The following PDZRN3 variants were observed in gnomAD, a reference collection of about 807,000 sequenced individuals.
The protein encoded by PDZRN3 is PDZ domain containing ring finger 3.
Under a neutral mutation model 85.7 loss-of-function variants are expected in PDZRN3, and 38 were observed. The observed-to-expected ratio is 0.44, with a 90% CI of 0.34 to 0.58. The LOEUF (loss-of-function observed/expected upper bound fraction) is 0.58. PDZRN3 is among the 20% of genes least tolerant of loss of function. The pLI is 0.01. For missense variants in PDZRN3, 1,629 were observed against 1,506.4 expected (o/e 1.08, Z -1.35); for synonymous variants, 759 against 638.0 (o/e 1.19, Z -2.86).
In PDZRN3 at chr3:73,551,197, T is replaced by C. The variant is rs78166477; in HGVS notation, c.918+51157A>G. 6.7e-3 allele frequency among the ~76,000 whole-genome samples: 1,021 copies of C among 152,262 alleles called. 4 individuals are homozygous for C. Among genetic ancestry groups the C allele is most frequent in the South Asian group, 0.016 (77 of 4,826 alleles). On this transcript the variant is annotated intron_variant, in intron 3 of 9. Transcript: ENST00000263666. ...CTCCTGTTGTGGCTTATTAAGAAAA[T>C]GTATTTTTTTGAGAGGTGGATACTG...
At chr3:73,457,250 T>A (rs1193002546) in intron 3 of PDZRN3, among the ~76,000 whole-genome samples, 4 of 151,884 alleles carry the variant, frequency 2.6e-5, no homozygotes, top group Non-Finnish European at 4.4e-5. Flanking sequence ...TTTTTGTATT[T>A]TTAGTAGAGA....
chr3:73,483,459 A>C (rs1167031088), intron 3 of PDZRN3, among the ~76,000 whole-genome samples: 1 of 152,232 alleles, frequency 6.6e-6, no homozygotes, highest in Non-Finnish European at 1.5e-5. Context: ...TGTTTACAGA[A>C]AAGAAGAAAT....
At chr3:73,617,520 C>T (rs1702782441) in intron 1 of PDZRN3, among the ~76,000 whole-genome samples, 1 of 152,124 alleles carries the variant, frequency 6.6e-6, no homozygotes, top group South Asian at 2.1e-4. Context: ...TTTTACCTTT[C>T]TATCCAATGG....
intron 1 of PDZRN3, among the ~76,000 whole-genome samples, chr3:73,612,381 A>G (rs1235945151): frequency 6.6e-6 from 1 of 152,232 alleles, no homozygotes; most frequent in Non-Finnish European, 1.5e-5. Flanking sequence ...TTCTGCCTCC[A>G]AAGACTGAGC....
intron 3 of PDZRN3, among the ~76,000 whole-genome samples, chr3:73,414,889 G>C (rs1702044930): frequency 6.6e-6 from 1 of 152,170 alleles, no homozygotes. Context: ...ACTCTTCAAA[G>C]ACTAAAGCCA....
At chr3:73,592,178 T>C (rs1310724722) in intron 3 of PDZRN3, among the ~76,000 whole-genome samples, 1 of 152,144 alleles carries the variant, frequency 6.6e-6, no homozygotes, top group African/African-American at 2.4e-5. Flanking sequence ...GGCTAACGGA[T>C]CCTCAAATCA....
At position 73,423,513 on chromosome 3, in the gene PDZRN3, A is replaced by G. The variant is rs1354848750; in HGVS notation, c.919-19118T>C. Among the ~76,000 whole-genome samples the G allele has an allele frequency of 5.9e-5, 9 of 152,368 alleles. No individual in the cohort carries two copies. The East Asian group carries it at 1.7e-3, about 29-fold the overall frequency. ...TATTTGGTTCATGTGTTGTTTGTTCACAAAAAAAGATAAACTTTTTGCTTA... is the reference window on the plus strand; with the variant it reads ...TATTTGGTTCATGTGTTGTTTGTTCGCAAAAAAAGATAAACTTTTTGCTTA... On this transcript the variant is annotated intron_variant, in intron 3 of 9. Coordinates refer to ENST00000263666, the MANE Select transcript of PDZRN3 (RefSeq NM_015009.3).
intron 3 of PDZRN3, among the ~76,000 whole-genome samples, chr3:73,499,133 G>A (rs1279799584): frequency 6.6e-6 from 1 of 152,186 alleles, no homozygotes; most frequent in East Asian, 1.9e-4. Flanking sequence ...ACTCTGCTGA[G>A]TGTCCTGGAT....
In PDZRN3 at chr3:73,404,301, C is replaced by T. The variant is rs1322042071; in HGVS notation, c.1013G>A (p.Arg338Lys). 1 of 1,614,126 alleles carries T rather than the reference C, an allele frequency of 6.2e-7. No homozygotes were observed. The highest frequency in any genetic ancestry group is 1.7e-5 in the Admixed American group (1 of 60,020). The change falls in exon 4 of 10, where the codon AGA (arginine) becomes AAA (lysine). Residue 338 changes from arginine to lysine, a missense_variant. By Grantham distance (26) the Arg-to-Lys change is conservative (BLOSUM62 2). Transcript: ENST00000263666. ...KEPIVVQVLR[R>K]TPRTKMFTPP... Reference sequence around the variant, plus strand: ...CGTGAACATTTTGGTCCTTGGTGTTCTTCTCAACACCTGCACCACTATGGG... The same window carrying T: ...CGTGAACATTTTGGTCCTTGGTGTTTTTCTCAACACCTGCACCACTATGGG...
intron 3 of PDZRN3, among the ~76,000 whole-genome samples, chr3:73,482,954 T>C (rs1289080514): frequency 6.6e-6 from 1 of 152,244 alleles, no homozygotes; most frequent in Admixed American, 6.5e-5. Context: ...CCAAGGGGCT[T>C]AGGAAATTGC....
intron 3 of PDZRN3, among the ~76,000 whole-genome samples, chr3:73,559,769 G>C (rs1043566709): frequency 6.6e-6 from 1 of 152,238 alleles, no homozygotes; most frequent in Non-Finnish European, 1.5e-5. Context: ...GGTGGTGTCT[G>C]AATGACTGAA....
intron 3 of PDZRN3, among the ~76,000 whole-genome samples, chr3:73,471,579 C>A (rs1220225502): frequency 6.6e-6 from 1 of 152,176 alleles, no homozygotes; most frequent in Admixed American, 6.5e-5. Context: ...GGAGCCGGGC[C>A]ATGTCCTCTG....
chr3:73,608,291 C>G (rs1702632480), intron 2 of PDZRN3, among the ~76,000 whole-genome samples: 1 of 152,200 alleles, frequency 6.6e-6, no homozygotes, highest in African/African-American at 2.4e-5. Context: ...CTGCACACAT[C>G]TCACGCAACT....
Position 73,526,546 on chromosome 3 carries a change from T to C in PDZRN3, c.918+75808A>G, listed in dbSNP as rs533644866. On this transcript the variant is annotated intron_variant, in intron 3 of 9. Coordinates refer to ENST00000263666, the MANE Select transcript of PDZRN3 (RefSeq NM_015009.3). ...GCAGTCAGAAACAAAGTACAATATATCTATGAAGAACAAATCTGTAGCCAT... is the reference window on the plus strand; with the variant it reads ...GCAGTCAGAAACAAAGTACAATATACCTATGAAGAACAAATCTGTAGCCAT... Among the ~76,000 whole-genome samples the C allele has an allele frequency of 1.6e-4, 25 of 152,254 alleles. No individual in the cohort carries two copies. In the South Asian group the frequency reaches 5.2e-3, roughly 32 times the overall value.
intron 3 of PDZRN3, among the ~76,000 whole-genome samples, chr3:73,477,166 T>C (rs1026797060): frequency 6.6e-6 from 1 of 152,190 alleles, no homozygotes; most frequent in East Asian, 1.9e-4. Flanking sequence ...GGTTGTATTA[T>C]AGATTAAATG....
At chr3:73,385,046 G>A in intron 9 of PDZRN3, 116 bp from the exon 10 acceptor site, 1 of 1,234,740 alleles carries the variant, frequency 8.1e-7, no homozygotes, top group Non-Finnish European at 1.1e-6. Context: ...CTAAGGCCAA[G>A]GGACAGCATC....
intron 3 of PDZRN3, among the ~76,000 whole-genome samples, chr3:73,473,230 ACT>A (rs1323956429): frequency 6.6e-6 from 1 of 151,582 alleles, no homozygotes; most frequent in Non-Finnish European, 1.5e-5. Context: ...CTGACCAAAA[ACT>A]CTTTCGCAGA....
chr3:73,470,875 C>T (rs1420381122), intron 3 of PDZRN3, among the ~76,000 whole-genome samples: 1 of 152,164 alleles, frequency 6.6e-6, no homozygotes, highest in Admixed American at 6.5e-5. Context: ...GAAAATTAAC[C>T]TTCAATGAAA....
chr3:73,607,880 C>A (rs1702626392), intron 2 of PDZRN3, among the ~76,000 whole-genome samples: 1 of 152,248 alleles, frequency 6.6e-6, no homozygotes, highest in East Asian at 1.9e-4. Flanking sequence ...TTTTTGTTTT[C>A]TTTTCCTTTA....
Sources: allele counts gnomAD v4.1 joint callset (sites outside exome capture counted in the v4.1 genomes callset), GRCh38; gene constraint gnomAD v4.1.1; transcripts MANE v1.5; gene names NCBI Gene and HGNC (gene_info 2026-07-23, HGNC 2026-07-21).